The following RUFY3 variants were observed in gnomAD, a reference collection of about 807,000 sequenced individuals.
RUFY3 encodes the protein RUN and FYVE domain containing 3, also known as protein RUFY3.
A neutral mutation model predicts 84.0 loss-of-function variants in RUFY3; 34 were observed. The ratio of observed to expected loss-of-function variants is 0.40; its 90% CI spans 0.31 to 0.54. The LOEUF (loss-of-function observed/expected upper bound fraction) is 0.54, where lower values mean the gene tolerates loss of function less well. RUFY3 is among the 20% of genes least tolerant of loss of function. The probability of loss-of-function intolerance (pLI) is 0.39; values close to 1 mark genes in which losing one functional copy is unlikely to be tolerated. For synonymous variants in RUFY3, 242 were observed against 252.9 expected (o/e 0.96, Z 0.41); for missense variants, 507 against 736.8 (o/e 0.69, Z 3.61).
chr4:70,713,034 C>CT (rs1197979692), intron 1 of RUFY3, among the ~76,000 whole-genome samples: 5 of 152,050 alleles, frequency 3.3e-5, no homozygotes, highest in African/African-American at 1.2e-4. Flanking sequence ...GTTTTGTTTG[C>CT]TTTTTTGAGA....
chr4:70,771,313 T>C (rs56113301), intron 5 of RUFY3, among the ~76,000 whole-genome samples: 4,082 of 152,148 alleles, frequency 0.027, 79 homozygotes, highest in Middle Eastern at 0.054. Flanking sequence ...TATGTGTGTG[T>C]GTGCGTGTGT....
intron 8 of RUFY3, among the ~76,000 whole-genome samples, chr4:70,778,868 C>T (rs1449571479): frequency 2.0e-5 from 3 of 152,178 alleles, no homozygotes; most frequent in African/African-American, 4.8e-5. Context: ...GCGTGAGCCA[C>T]CTCGCCTGGC....
intron 6 of RUFY3, among the ~76,000 whole-genome samples, chr4:70,774,614 C>CAAAAAAA (rs1172638290): frequency 1.8e-4 from 4 of 22,092 alleles, no homozygotes; most frequent in Non-Finnish European, 2.1e-4. Context: ...GACTCTGCCT[C>CAAAAAAA]AAAAAAAAAA....
Position 70,768,634 on chromosome 4 carries a change from T to G in RUFY3, c.669T>G (p.Cys223Trp). The G allele has an allele frequency of 6.2e-7, 1 of 1,613,914 alleles. No individual in the cohort carries two copies. Among genetic ancestry groups the G allele is most frequent in the Non-Finnish European group, 8.5e-7 (1 of 1,179,950 alleles). Residue 223 changes from cysteine (C) to tryptophan (W), a missense_variant, in exon 5 of 18, where the codon TGT (cysteine) becomes TGG (tryptophan). By Grantham distance (215) the Cys-to-Trp change is radical. This residue lies in a region of RUFY3 where 133 missense variants were observed against 301.1 expected (regional missense o/e 0.44). Transcript: ENST00000381006. Reference sequence around the variant, plus strand: ...TGAATGTCATTGATGCCAATTTCTGTATGAAAGGAGAAGACTTGGACTCTC... The same window carrying G: ...TGAATGTCATTGATGCCAATTTCTGGATGAAAGGAGAAGACTTGGACTCTC... The part of the protein sequence containing the change: ...VGLNVIDANF[C>W]MKGEDLDSQV...
At chr4:70,765,493 G>C (rs1283667822) in intron 4 of RUFY3, among the ~76,000 whole-genome samples, 1 of 152,012 alleles carries the variant, frequency 6.6e-6, no homozygotes, top group Non-Finnish European at 1.5e-5. Flanking sequence ...TGTGTTTTTT[G>C]TGAAAGTTCA....
chr4:70,800,838 C>T (rs531610787), intron 15 of RUFY3, among the ~76,000 whole-genome samples: 44 of 152,138 alleles, frequency 2.9e-4, no homozygotes, highest in African/African-American at 2.4e-5. Context: ...GCCAAGATAG[C>T]GCCACTGCAC....
At chr4:70,800,040 T>A in intron 14 of RUFY3, 101 bp from the exon 15 acceptor site, 3 of 1,081,712 alleles carry the variant, frequency 2.8e-6, no homozygotes, top group South Asian at 3.2e-5. Context: ...AAAAGCTACT[T>A]AGCTTTATAC....
intron 1 of RUFY3, among the ~76,000 whole-genome samples, chr4:70,752,060 C>G (rs1049989050): frequency 6.6e-6 from 1 of 152,158 alleles, no homozygotes; most frequent in Non-Finnish European, 1.5e-5. Flanking sequence ...GGATTACAGA[C>G]GTGAGATACC....
Position 70,794,812 on chromosome 4 carries a change from A to G in RUFY3, c.1475A>G (p.Glu492Gly). 1 of 1,612,730 alleles carries G rather than the reference A, an allele frequency of 6.2e-7. No individual in the cohort carries two copies. The highest frequency in any genetic ancestry group is 8.5e-7 in the Non-Finnish European group (1 of 1,179,106). ...LTRQRNQLEL[E>G]LKQEKERRLQ... ...TACCTCAGGAACCAGCTTGAGTTAG[A>G]ACTAAAACAGGAAAAAGAAAGAAGA... Residue 492 changes from glutamate (E) to glycine (G), a missense_variant, in exon 14 of 18, where the codon GAA becomes GGA. By Grantham distance (98) the Glu-to-Gly change is moderately conservative. Coordinates refer to ENST00000381006, the MANE Select transcript of RUFY3 (RefSeq NM_001037442.4).
intron 1 of RUFY3, among the ~76,000 whole-genome samples, chr4:70,729,973 C>A (rs1317923741): frequency 1.6e-5 from 2 of 128,342 alleles, no homozygotes; most frequent in Non-Finnish European, 3.2e-5. Context: ...TCGCTCTTGT[C>A]ACCCAGGCTG....
intron 12 of RUFY3, chr4:70,793,275 T>C (rs1010147412): frequency 1.0e-6 from 1 of 994,030 alleles, no homozygotes. Context: ...TGATATATAA[T>C]GTCCCATGAT....
intron 16 of RUFY3, among the ~76,000 whole-genome samples, chr4:70,804,102 C>T (rs1343577458): frequency 1.3e-5 from 2 of 151,990 alleles, no homozygotes; most frequent in Non-Finnish European, 2.9e-5. Flanking sequence ...ACTTTTTACT[C>T]TATACTTGCA....
Position 70,800,131 on chromosome 4 carries a change from C to T in RUFY3, c.1558-10C>T, listed in dbSNP as rs1732037463. The T allele has an allele frequency of 1.3e-6, 2 of 1,599,562 alleles. No homozygotes were observed. Among genetic ancestry groups the T allele is most frequent in the African/African-American group, 1.4e-5 (1 of 73,910 alleles). On this transcript the variant is annotated splice_polypyrimidine_tract_variant and intron_variant, in intron 14 of 17. Coordinates refer to ENST00000381006, the MANE Select transcript of RUFY3 (RefSeq NM_001037442.4). Reference sequence around the variant, plus strand: ...AATAATTAATAAATTGGGCTGTTTTCTTTTGGCAGGATGGGAAGCACAAAA... The same window carrying T: ...AATAATTAATAAATTGGGCTGTTTTTTTTTGGCAGGATGGGAAGCACAAAA...
intron 1 of RUFY3, among the ~76,000 whole-genome samples, chr4:70,735,562 T>C (rs543923940): frequency 1.3e-5 from 2 of 152,228 alleles, no homozygotes; most frequent in Admixed American, 6.5e-5. Flanking sequence ...AAATATTGGC[T>C]GGGCGTGGTG....
intron 1 of RUFY3, among the ~76,000 whole-genome samples, chr4:70,750,599 G>T (rs1330989040): frequency 6.6e-6 from 1 of 152,140 alleles, no homozygotes; most frequent in Non-Finnish European, 1.5e-5. Context: ...GGTTAGTATA[G>T]TCACAAAGCT....
At chr4:70,738,356 CTTTTT>C (rs60916183) in intron 1 of RUFY3, among the ~76,000 whole-genome samples, 23 of 60,544 alleles carry the variant, frequency 3.8e-4, no homozygotes, top group Non-Finnish European at 4.7e-4. Flanking sequence ...GGTGTTTCAT[CTTTTT>C]TTTTTTTTTT....
In RUFY3 at chr4:70,808,024, T is replaced by C. The variant is rs898638519; in HGVS notation, c.*1365T>C. Among the ~76,000 whole-genome samples the C allele has an allele frequency of 6.6e-6, 1 of 152,152 alleles. No homozygotes were observed. The highest frequency in any genetic ancestry group is 2.4e-5 in the African/African-American group (1 of 41,442). On this transcript the variant is annotated 3_prime_UTR_variant, in exon 18 of 18. Coordinates refer to ENST00000381006, the MANE Select transcript of RUFY3 (RefSeq NM_001037442.4). The stretch of plus-strand genomic sequence containing the variant: ...AAGTCCCATTATAGAGAATGGGTTA[T>C]ATGGTATTTGCATATAACCTACATA...
At chr4:70,804,876 G>T (rs1257923135) in intron 17 of RUFY3, among the ~76,000 whole-genome samples, 1 of 151,960 alleles carries the variant, frequency 6.6e-6, no homozygotes, top group Non-Finnish European at 1.5e-5. Context: ...AGTGAGCCAA[G>T]ATCACACCAT....
intron 5 of RUFY3, among the ~76,000 whole-genome samples, chr4:70,770,629 G>A (rs1057361947): frequency 3.9e-5 from 6 of 152,166 alleles, no homozygotes; most frequent in African/African-American, 1.4e-4. Flanking sequence ...GTTGTGGCTG[G>A]TTTGATCTTC....
Sources: allele counts gnomAD v4.1 joint callset (sites outside exome capture counted in the v4.1 genomes callset), GRCh38; gene constraint gnomAD v4.1.1; regional missense constraint gnomAD v4.1.1; transcripts MANE v1.5; gene names NCBI Gene and HGNC (gene_info 2026-07-23, HGNC 2026-07-21).